PTGIS: variants seen among roughly 807,000 people sequenced by gnomAD.
PTGIS encodes prostacyclin synthase.
Under a neutral mutation model 50.3 loss-of-function variants are expected in PTGIS, and 45 were observed. That is an observed-to-expected ratio of 0.90 (90% confidence interval 0.70 to 1.15). PTGIS has a LOEUF of 1.15. PTGIS is among the 50% of genes most tolerant of loss of function. The pLI, the probability that PTGIS is intolerant of heterozygous loss-of-function variation, is 0.00. For missense variants in PTGIS, 668 were observed against 661.3 expected (o/e 1.01, Z -0.11); for synonymous variants, 260 against 267.7 (o/e 0.97, Z 0.28).
In PTGIS at chr20:49,505,552, C is replaced by T. The variant is rs1050893383; in HGVS notation, c.*2368G>A. 6.6e-6 allele frequency: 1 copy of T among 152,628 alleles called. No homozygotes were observed. Among genetic ancestry groups the T allele is most frequent in the Non-Finnish European group, 1.5e-5 (1 of 68,060 alleles). 9.5% of individuals were successfully genotyped at this position (152,628 alleles called of 1,614,324 possible). On this transcript the variant is annotated 3_prime_UTR_variant, in exon 10 of 10. Coordinates refer to ENST00000244043, the MANE Select transcript of PTGIS (RefSeq NM_000961.4). ...GTGAGAATCTAGTCTCAGTGACAACCCAGCCTGATTTGGAAGGGGGGAGTC... is the reference window on the plus strand; with the variant it reads ...GTGAGAATCTAGTCTCAGTGACAACTCAGCCTGATTTGGAAGGGGGGAGTC...
chr20:49,544,382 C>A lies in PTGIS; in HGVS notation c.444G>T (p.Leu148=), dbSNP rs188715722. ...EAMYTNLHAV[L]LGDATEAGSG... ...TGCCTGCTTCTGTAGCATCGCCCAA[C>A]AGCACTGCATGGAGGTTGGTATACA... The change falls in exon 4 of 10, where the codon CTG becomes CTT. Residue 148 remains leucine, a synonymous_variant. Transcript: ENST00000244043. 6.2e-7 allele frequency: 1 copy of A among 1,614,160 alleles called. No homozygotes were observed. The highest frequency in any genetic ancestry group is 8.5e-7 in the Non-Finnish European group (1 of 1,180,034).
At chr20:49,538,313 C>T (rs1401159705) in intron 5 of PTGIS, among the ~76,000 whole-genome samples, 4 of 143,366 alleles carry the variant, frequency 2.8e-5, no homozygotes, top group Non-Finnish European at 4.5e-5. Context: ...CCCATAATCT[C>T]AGCACTTTGG....
intron 5 of PTGIS, 59 bp from the exon 6 acceptor site, chr20:49,524,298 T>C: frequency 3.8e-6 from 6 of 1,584,586 alleles, no homozygotes; most frequent in Non-Finnish European, 1.7e-6. Flanking sequence ...CACCCAGGGC[T>C]GGCCAGGCAT....
chr20:49,534,516 CTCTGGAGCA>C (rs1447834165), intron 5 of PTGIS, among the ~76,000 whole-genome samples: 2 of 152,114 alleles, frequency 1.3e-5, no homozygotes, highest in African/African-American at 2.4e-5. Context: ...AATCAGACTC[CTCTGGAGCA>C]TCTGTGTGGA....
intron 9 of PTGIS, 103 bp downstream of exon 9, chr20:49,510,925 G>T: frequency 8.7e-7 from 1 of 1,151,646 alleles, no homozygotes. Context: ...TGAAGCCTCT[G>T]CCAAACCATT....
At chr20:49,510,298 G>A (rs950855098) in intron 9 of PTGIS, among the ~76,000 whole-genome samples, 6 of 152,106 alleles carry the variant, frequency 3.9e-5, no homozygotes, top group Non-Finnish European at 7.4e-5. Flanking sequence ...TTTATGTAAC[G>A]TGCCCACTCA....
At chr20:49,545,914 G>C (rs1428561716) in intron 3 of PTGIS, among the ~76,000 whole-genome samples, 2 of 152,044 alleles carry the variant, frequency 1.3e-5, no homozygotes, top group African/African-American at 4.8e-5. Flanking sequence ...GAAGTGCCTG[G>C]GTAATCCACC....
At chr20:49,558,321 G>A (rs1028634976) in intron 1 of PTGIS, among the ~76,000 whole-genome samples, 2 of 152,144 alleles carry the variant, frequency 1.3e-5, no homozygotes, top group African/African-American at 4.8e-5. Flanking sequence ...CCTGGGAGGT[G>A]GAAGCTATAA....
In PTGIS at chr20:49,504,937, A is replaced by G. The variant is rs5609; in HGVS notation, c.*2983T>C. The G allele has an allele frequency of 0.048, 7,336 of 152,000 alleles. 394 individuals carry two copies. The highest frequency in any genetic ancestry group is 0.13 in the African/African-American group (5,570 of 41,372). The allele number at this position is 152,000 out of a possible 1,614,324, so 9.4% of individuals were successfully genotyped here. A position where few individuals can be genotyped will look rare whatever the true frequency, so the allele number is the denominator to read the frequency against. On this transcript the variant is annotated 3_prime_UTR_variant, in exon 10 of 10. Coordinates refer to ENST00000244043, the MANE Select transcript of PTGIS (RefSeq NM_000961.4). Reference sequence around the variant, plus strand: ...CAGGAGATCAAGACCATCCTGGCTAATACGGTGAAATCCCATCTCTACTAA... The same window carrying G: ...CAGGAGATCAAGACCATCCTGGCTAGTACGGTGAAATCCCATCTCTACTAA...
At chr20:49,521,195 C>T (rs573788257) in intron 6 of PTGIS, among the ~76,000 whole-genome samples, 19 of 152,284 alleles carry the variant, frequency 1.2e-4, no homozygotes, top group South Asian at 4.1e-4. Context: ...CGTCTTGAAA[C>T]GGGTGCTACC....
At chr20:49,532,004 G>A (rs1263307551) in intron 5 of PTGIS, among the ~76,000 whole-genome samples, 2 of 152,180 alleles carry the variant, frequency 1.3e-5, no homozygotes, top group Non-Finnish European at 2.9e-5. Flanking sequence ...GCCCCAGGGA[G>A]TTATGGAGCA....
chr20:49,512,302 C>A (rs541657581), intron 8 of PTGIS, among the ~76,000 whole-genome samples: 1 of 147,408 alleles, frequency 6.8e-6, no homozygotes, highest in Non-Finnish European at 1.5e-5. Flanking sequence ...GATGAATGGA[C>A]AGATGGATGC....
chr20:49,521,584 T>C (rs1418488380), intron 6 of PTGIS, among the ~76,000 whole-genome samples: 6 of 152,186 alleles, frequency 3.9e-5, no homozygotes, highest in Non-Finnish European at 2.9e-5. Flanking sequence ...AAGTCATCTC[T>C]GCACATAAAT....
chr20:49,541,823 GCCGGCAGCTCCATAT>G (rs1226666068), intron 4 of PTGIS, among the ~76,000 whole-genome samples: 1 of 152,212 alleles, frequency 6.6e-6, no homozygotes, highest in Admixed American at 6.5e-5. Flanking sequence ...TGGAAGCGAA[GCCGGCAGCTCCATAT>G]CAAAAGAGCA....
chr20:49,514,526 T>G, intron 6 of PTGIS, 131 bp from the exon 7 acceptor site: 2 of 1,120,016 alleles, frequency 1.8e-6, no homozygotes, highest in South Asian at 1.3e-5. Flanking sequence ...CACCCAGGCA[T>G]GACCAGTGTC....
chr20:49,567,907 C>G, intron 1 of PTGIS, 136 bp downstream of exon 1: 1 of 803,692 alleles, frequency 1.2e-6, no homozygotes, highest in Admixed American at 4.3e-5. Context: ...CTCCCACCTC[C>G]GAGGGTCTCG....
intron 1 of PTGIS, among the ~76,000 whole-genome samples, chr20:49,563,131 C>A (rs1379016564): frequency 6.6e-6 from 1 of 152,168 alleles, no homozygotes; most frequent in East Asian, 1.9e-4. Flanking sequence ...TCTGTTCAAT[C>A]ATTTCAACTC....
chr20:49,541,860 A>G (rs755821827), intron 4 of PTGIS, among the ~76,000 whole-genome samples: 1 of 152,214 alleles, frequency 6.6e-6, no homozygotes, highest in East Asian at 1.9e-4. Flanking sequence ...GGCTGAAGAC[A>G]GGATAATCCC....
intron 5 of PTGIS, among the ~76,000 whole-genome samples, chr20:49,536,454 T>TTTTCTTTTC (rs1982070808): frequency 2.1e-5 from 3 of 142,220 alleles, no homozygotes; most frequent in East Asian, 2.1e-4. Flanking sequence ...TCTTTTTTTC[T>TTTTCTTTTC]TTTCTTTCTT....
Sources: gnomAD v4.1 joint callset for allele counts (sites outside exome capture counted in the v4.1 genomes callset) on GRCh38, gnomAD v4.1.1 for gene constraint, MANE v1.5 for transcripts, NCBI Gene and HGNC (gene_info 2026-07-23, HGNC 2026-07-21) for gene names.